The following SETBP1 variants were observed in gnomAD, a reference collection of about 807,000 sequenced individuals.
SETBP1 encodes the protein SET-binding protein.
Under a neutral mutation model 101.0 loss-of-function variants are expected in SETBP1, and 9 were observed. The ratio of observed to expected loss-of-function variants is 0.09; its 90% CI spans 0.05 to 0.16. The LOEUF (loss-of-function observed/expected upper bound fraction) is 0.16. Ranked by LOEUF, SETBP1 falls within the 10% of genes least tolerant of loss-of-function variation. The probability of loss-of-function intolerance (pLI) is 1.00; values close to 1 mark genes in which losing one functional copy is unlikely to be tolerated. For missense variants in SETBP1, 1,858 were observed against 2,033.8 expected (o/e 0.91, Z 1.66); for synonymous variants, 818 against 788.5 (o/e 1.04, Z -0.63).
chr18:44,816,783 C>T (rs909688755), intron 2 of SETBP1, among the ~76,000 whole-genome samples: 36 of 152,148 alleles, frequency 2.4e-4, no homozygotes, highest in Admixed American at 2.4e-3. Context: ...AACAAAGAAG[C>T]AGTTAGGATT....
At chr18:44,915,284 A>G (rs1306899756) in intron 3 of SETBP1, among the ~76,000 whole-genome samples, 1 of 152,168 alleles carries the variant, frequency 6.6e-6, no homozygotes, top group Non-Finnish European at 1.5e-5. Flanking sequence ...TCCTCCAAGG[A>G]AGTATGGGGT....
intron 2 of SETBP1, among the ~76,000 whole-genome samples, chr18:44,786,880 C>T (rs1013278487): frequency 3.9e-5 from 6 of 152,180 alleles, no homozygotes; most frequent in Non-Finnish European, 8.8e-5. Context: ...ATGTGATCGT[C>T]TCCATCAGCT....
chr18:44,772,675 G>A (rs1279083344), intron 2 of SETBP1, among the ~76,000 whole-genome samples: 17 of 152,182 alleles, frequency 1.1e-4, no homozygotes. Context: ...GACTGAACTG[G>A]TTTGAATCCA....
At chr18:44,773,732 C>T (rs1568136045) in intron 2 of SETBP1, among the ~76,000 whole-genome samples, 2 of 151,446 alleles carry the variant, frequency 1.3e-5, no homozygotes, top group African/African-American at 4.9e-5. Context: ...CTCAGGCTAG[C>T]CGAAGAGAAT....
chr18:44,836,922 A>AT (rs1345918814), intron 2 of SETBP1, among the ~76,000 whole-genome samples: 4 of 150,176 alleles, frequency 2.7e-5, no homozygotes, highest in African/African-American at 4.9e-5. Context: ...TTACATCCCT[A>AT]TTTTTTTTTC....
chr18:44,916,959 C>G (rs2070443050), intron 3 of SETBP1, among the ~76,000 whole-genome samples: 2 of 152,340 alleles, frequency 1.3e-5, no homozygotes, highest in South Asian at 4.1e-4. Flanking sequence ...AAGCCGCTTC[C>G]CTGGTTTCCC....
At chr18:45,052,719 T>C (rs2073742231) in intron 5 of SETBP1, among the ~76,000 whole-genome samples, 1 of 152,208 alleles carries the variant, frequency 6.6e-6, no homozygotes, top group Non-Finnish European at 1.5e-5. Flanking sequence ...TTGTTGTTTT[T>C]AGGGAGAATA....
In SETBP1 at chr18:44,950,959, G is replaced by A; in HGVS notation, c.1619G>A (p.Ser540Asn). ...TGGACTTGCAGCAAACCAAAACCTA[G>A]CACCATGCTTCGAGAGGCAGTTATG... Reference protein sequence around the residue: ...RRWTCSKPKPSTMLREAVMAT... With the variant: ...RRWTCSKPKPNTMLREAVMAT... Residue 540 changes from serine (S) to asparagine (N), a missense_variant, in exon 4 of 6, where the codon AGC becomes AAC. Coordinates refer to ENST00000649279, the MANE Select transcript of SETBP1 (RefSeq NM_015559.3). 6.2e-7 allele frequency: 1 copy of A among 1,614,046 alleles called. No individual in the cohort carries two copies. The highest frequency in any genetic ancestry group is 8.5e-7 in the Non-Finnish European group (1 of 1,180,020).
chr18:44,745,057 C>T (rs1046990523), intron 2 of SETBP1, among the ~76,000 whole-genome samples: 3 of 152,142 alleles, frequency 2.0e-5, no homozygotes, highest in African/African-American at 7.2e-5. Flanking sequence ...ACGGAAGAGG[C>T]TCATTTCAGC....
chr18:45,013,339 G>C (rs1317955242), intron 4 of SETBP1, among the ~76,000 whole-genome samples: 1 of 152,190 alleles, frequency 6.6e-6, no homozygotes, highest in African/African-American at 2.4e-5. Context: ...AACAAACAAA[G>C]GCCTGTTTGT....
At chr18:44,806,009 G>A (rs2071724600) in intron 2 of SETBP1, among the ~76,000 whole-genome samples, 1 of 152,086 alleles carries the variant, frequency 6.6e-6, no homozygotes, top group Non-Finnish European at 1.5e-5. Context: ...GTGCTGGAGG[G>A]TCTAGAAGTC....
chr18:44,891,797 G>A (rs1459357550), intron 3 of SETBP1, among the ~76,000 whole-genome samples: 1 of 152,056 alleles, frequency 6.6e-6, no homozygotes, highest in Non-Finnish European at 1.5e-5. Context: ...TTTAGTTTCT[G>A]TATAATGGAG....
chr18:44,789,401 T>G (rs1002397033), intron 2 of SETBP1, among the ~76,000 whole-genome samples: 1 of 152,216 alleles, frequency 6.6e-6, no homozygotes, highest in Non-Finnish European at 1.5e-5. Flanking sequence ...AAATAACGTT[T>G]CCTTGCTCTG....
intron 3 of SETBP1, among the ~76,000 whole-genome samples, chr18:44,945,247 A>G (rs1000697979): frequency 6.6e-6 from 1 of 152,222 alleles, no homozygotes; most frequent in Non-Finnish European, 1.5e-5. Context: ...AAGGGCTAAT[A>G]CCCAGAATCT....
intron 2 of SETBP1, among the ~76,000 whole-genome samples, chr18:44,768,749 A>G (rs2070813741): frequency 6.6e-6 from 1 of 152,236 alleles, no homozygotes; most frequent in Non-Finnish European, 1.5e-5. Flanking sequence ...CATAAAGTAT[A>G]TACGGAGATC....
At chr18:44,855,389 A>G (rs149987786) in intron 2 of SETBP1, among the ~76,000 whole-genome samples, 1 of 152,288 alleles carries the variant, frequency 6.6e-6, no homozygotes, top group East Asian at 1.9e-4. Context: ...CATCTTTCAC[A>G]TGAACTCCGT....
At chr18:45,057,253 C>A (rs73952952) in intron 5 of SETBP1, among the ~76,000 whole-genome samples, 2,113 of 152,046 alleles carry the variant, frequency 0.014, 52 homozygotes, top group African/African-American at 0.049. Context: ...AATTTAAATT[C>A]TAAGGATGGA....
At chr18:44,797,132 T>C (rs2071497472) in intron 2 of SETBP1, among the ~76,000 whole-genome samples, 1 of 152,228 alleles carries the variant, frequency 6.6e-6, no homozygotes, top group African/African-American at 2.4e-5. Flanking sequence ...AGCAGTGGTC[T>C]CATTTGTGGC....
At chr18:44,933,664 CCAGCCTTGCTG>C (rs1488970336) in intron 3 of SETBP1, among the ~76,000 whole-genome samples, 1 of 152,198 alleles carries the variant, frequency 6.6e-6, no homozygotes, top group African/African-American at 2.4e-5. Context: ...ACGCCCCTCC[CCAGCCTTGCTG>C]CAGCCTTGCA....
Sources: gnomAD v4.1 joint callset for allele counts (sites outside exome capture counted in the v4.1 genomes callset) on GRCh38, gnomAD v4.1.1 for gene constraint, MANE v1.5 for transcripts, NCBI Gene and HGNC (gene_info 2026-07-23, HGNC 2026-07-21) for gene names.